PPP3CA: variants seen among roughly 807,000 people sequenced by gnomAD.
PPP3CA encodes the protein protein phosphatase 3 catalytic subunit alpha, also known as CAM-PRP catalytic subunit.
In PPP3CA, 14 loss-of-function variants were observed where a neutral mutation model predicts 66.5. That is an observed-to-expected ratio of 0.21 (90% CI 0.14 to 0.33). The LOEUF (loss-of-function observed/expected upper bound fraction) is 0.33, where lower values mean the gene tolerates loss of function less well. Among genes scored for constraint, PPP3CA ranks in the 10% least tolerant of loss-of-function variants. The probability of loss-of-function intolerance (pLI) is 1.00; values close to 1 mark genes in which losing one functional copy is unlikely to be tolerated. For synonymous variants in PPP3CA, 232 were observed against 226.2 expected, an observed-to-expected ratio of 1.03 and a Z score of -0.23; for missense variants, 317 against 639.5, an observed-to-expected ratio of 0.50 and a Z score of 5.44.
At chr4:101,316,543 T>C (rs1294096338) in intron 1 of PPP3CA, among the ~76,000 whole-genome samples, 1 of 152,128 alleles carries the variant, frequency 6.6e-6, no homozygotes, top group Non-Finnish European at 1.5e-5. Context: ...GGGAGTTGGT[T>C]TAGGTAAAGC....
chr4:101,337,479 T>A (rs908326226), intron 1 of PPP3CA, among the ~76,000 whole-genome samples: 1 of 152,174 alleles, frequency 6.6e-6, no homozygotes, highest in South Asian at 2.1e-4. Flanking sequence ...TGGAACGAGA[T>A]AGAGTACTCA....
intron 1 of PPP3CA, among the ~76,000 whole-genome samples, chr4:101,320,307 T>G (rs1036195830): frequency 2.0e-5 from 3 of 152,068 alleles, no homozygotes; most frequent in Non-Finnish European, 4.4e-5. Context: ...CAAAAACAAC[T>G]AACATAAAAT....
chr4:101,138,523 T>G lies in PPP3CA; in HGVS notation c.260-29445A>C, dbSNP rs562139377. ...TGTTTTGTATTTTGGATTTTTTGGG[T>G]TTTAGAATATTTATCTACTGAAAAG... On this transcript the variant is annotated intron_variant, in intron 2 of 13. Coordinates refer to ENST00000394854, the MANE Select transcript of PPP3CA (RefSeq NM_000944.5). Among the ~76,000 whole-genome samples, 7 of 152,274 alleles carry G rather than the reference T, an allele frequency of 4.6e-5. No homozygotes were observed. In the East Asian group the frequency reaches 1.2e-3, roughly 25 times the overall value.
At chr4:101,304,344 T>C (rs896137907) in intron 1 of PPP3CA, among the ~76,000 whole-genome samples, 7 of 152,180 alleles carry the variant, frequency 4.6e-5, no homozygotes, top group African/African-American at 1.7e-4. Context: ...TTAATGGAAA[T>C]GTCATTTCTT....
At chr4:101,055,418 C>T (rs149611699) in intron 10 of PPP3CA, among the ~76,000 whole-genome samples, 16 of 152,046 alleles carry the variant, frequency 1.1e-4, no homozygotes, top group African/African-American at 2.9e-4. Flanking sequence ...TTTTAACATT[C>T]GAAATAAGAA....
chr4:101,095,344 A>C (rs1313292576), intron 5 of PPP3CA, among the ~76,000 whole-genome samples: 1 of 152,180 alleles, frequency 6.6e-6, no homozygotes, highest in Non-Finnish European at 1.5e-5. Context: ...AAGCTACCAG[A>C]ATATAACATT....
chr4:101,266,724 G>T (rs2110261549), intron 1 of PPP3CA, among the ~76,000 whole-genome samples: 1 of 152,262 alleles, frequency 6.6e-6, no homozygotes, highest in African/African-American at 2.4e-5. Context: ...TTGAACCTGA[G>T]TTCAACTAGT....
Position 101,275,250 on chromosome 4 carries a change from G to A in PPP3CA, c.58+71489C>T, listed in dbSNP as rs146926286. 8.2e-3 allele frequency among the ~76,000 whole-genome samples: 1,252 copies of A among 152,032 alleles called. 11 individuals are homozygous for A. Among genetic ancestry groups the A allele is most frequent in the Middle Eastern group, 0.02 (6 of 294 alleles). ...ATCCCTTCTCTCACTAACTTATTTG[G>A]TTAACTGCCACCCATATCTCAGGTC... is the stretch of plus-strand genomic sequence containing the variant. On this transcript the variant is annotated intron_variant, in intron 1 of 13. Transcript: ENST00000394854.
Position 101,109,094 on chromosome 4 carries a change from T to C in PPP3CA, c.260-16A>G. ...TCCCCACAAACTGAAAGAAACAAAA[T>C]TCATTTTATGGTCATATTATGTTAG... On this transcript the variant is annotated splice_polypyrimidine_tract_variant and intron_variant, in intron 2 of 13. Coordinates refer to ENST00000394854, the MANE Select transcript of PPP3CA (RefSeq NM_000944.5). 1 of 1,609,988 alleles carries C rather than the reference T, an allele frequency of 6.2e-7. No homozygotes were observed. Among genetic ancestry groups the C allele is most frequent in the Non-Finnish European group, 8.5e-7 (1 of 1,176,902 alleles).
chr4:101,221,160 T>C (rs982370985), intron 1 of PPP3CA, among the ~76,000 whole-genome samples: 2 of 151,598 alleles, frequency 1.3e-5, no homozygotes, highest in Non-Finnish European at 3.0e-5. Flanking sequence ...AGTTACCAAG[T>C]GGTAGGAAGA....
intron 1 of PPP3CA, among the ~76,000 whole-genome samples, chr4:101,306,631 T>C (rs888885388): frequency 6.6e-6 from 1 of 152,108 alleles, no homozygotes; most frequent in African/African-American, 2.4e-5. Context: ...GTATTCTGAC[T>C]TGGGGGAAAC....
intron 1 of PPP3CA, among the ~76,000 whole-genome samples, chr4:101,250,936 G>T (rs1726655231): frequency 6.6e-6 from 1 of 152,036 alleles, no homozygotes; most frequent in Non-Finnish European, 1.5e-5. Flanking sequence ...AGTTTGGTAT[G>T]ATGACTAACA....
intron 11 of PPP3CA, among the ~76,000 whole-genome samples, chr4:101,038,571 T>G (rs979698539): frequency 6.6e-6 from 1 of 151,996 alleles, no homozygotes; most frequent in Non-Finnish European, 1.5e-5. Flanking sequence ...GGTTTCTCCA[T>G]GTTGCTCAGG....
intron 1 of PPP3CA, among the ~76,000 whole-genome samples, chr4:101,280,168 G>A (rs1727633838): frequency 6.6e-6 from 1 of 152,128 alleles, no homozygotes; most frequent in Non-Finnish European, 1.5e-5. Flanking sequence ...GCAATAAACA[G>A]ACAAATATAC....
intron 2 of PPP3CA, among the ~76,000 whole-genome samples, chr4:101,154,173 T>A (rs929321945): frequency 6.6e-6 from 1 of 152,180 alleles, no homozygotes; most frequent in African/African-American, 2.4e-5. Context: ...TATCCTCCAC[T>A]CTAAATTACT....
At chr4:101,335,478 T>C (rs561515710) in intron 1 of PPP3CA, among the ~76,000 whole-genome samples, 1 of 152,270 alleles carries the variant, frequency 6.6e-6, no homozygotes, top group Non-Finnish European at 1.5e-5. Context: ...CTTGCCTGTA[T>C]TATAAATGAA....
chr4:101,255,571 T>C (rs761276599), intron 1 of PPP3CA, among the ~76,000 whole-genome samples: 3 of 151,880 alleles, frequency 2.0e-5, no homozygotes, highest in Non-Finnish European at 4.4e-5. Context: ...ATCACATTCT[T>C]AAAAATTTTA....
chr4:101,222,226 A>G (rs1433602960), intron 1 of PPP3CA, among the ~76,000 whole-genome samples: 1 of 151,620 alleles, frequency 6.6e-6, no homozygotes, highest in Non-Finnish European at 1.5e-5. Flanking sequence ...CCTTATGACA[A>G]ACACATTGTT....
intron 1 of PPP3CA, among the ~76,000 whole-genome samples, chr4:101,228,758 C>T (rs1725860692): frequency 6.6e-6 from 1 of 151,574 alleles, no homozygotes; most frequent in African/African-American, 2.4e-5. Context: ...ACTCTATCCC[C>T]CTCTTCTTAA....
Sources: gnomAD v4.1 joint callset for allele counts (sites outside exome capture counted in the v4.1 genomes callset) on GRCh38, gnomAD v4.1.1 for gene constraint, MANE v1.5 for transcripts, NCBI Gene and HGNC (gene_info 2026-07-23, HGNC 2026-07-21) for gene names.